TTN: variants seen among roughly 807,000 people sequenced by gnomAD.
TTN encodes titin.
In TTN, 1,525 loss-of-function variants were observed where a neutral mutation model predicts 3,223.0. The ratio of observed to expected loss-of-function variants is 0.47; its 90% CI spans 0.45 to 0.49. TTN has a LOEUF of 0.49. Among genes scored for constraint, TTN ranks in the 20% least tolerant of loss-of-function variants. The pLI, the probability that TTN is intolerant of heterozygous loss-of-function variation, is 0.00. For missense variants in TTN, 40,786 were observed against 43,424.0 expected, an observed-to-expected ratio of 0.94 and a Z score of 5.40; for synonymous variants, 14,094 against 15,161.0, an observed-to-expected ratio of 0.93 and a Z score of 5.17.
In TTN at chr2:178,591,306, T is replaced by C. The variant is rs1187229401; in HGVS notation, c.60419A>G (p.Asn20140Ser). 3 of 1,613,178 alleles carry C rather than the reference T, an allele frequency of 1.9e-6. No homozygotes were observed. In the African/African-American group the frequency reaches 4.0e-5, roughly 22 times the overall value. Residue 20140 changes from asparagine to serine, a missense_variant, in exon 304 of 363, where the codon AAC becomes AGC. Asn to Ser is a conservative substitution (Grantham distance 46). Transcript: ENST00000589042. ...DNFSSVLTIKNCLRRDTGEYQ... is the reference protein window; with the variant it reads ...DNFSSVLTIKSCLRRDTGEYQ... ...TTCCCCAGTGTCTCTCCTTAAGCAG[T>C]TCTTAATGGTAAGTACTGATGAGAA...
chr2:178,538,734 C>T lies in TTN; in HGVS notation c.99095G>A (p.Gly33032Glu), dbSNP rs1247520055. The T allele has an allele frequency of 6.2e-7, 1 of 1,613,614 alleles. No homozygotes were observed. The highest frequency in any genetic ancestry group is 1.3e-5 in the African/African-American group (1 of 74,886). The change falls in exon 354 of 363, where the codon GGA (glycine) becomes GAA (glutamate). Residue 33032 changes from glycine to glutamate, a missense_variant. Physicochemically the swap from Gly to Glu is moderately conservative, Grantham distance 98. Coordinates refer to ENST00000589042, the MANE Select transcript of TTN (RefSeq NM_001267550.2). Reference protein sequence around the residue: ...PECDGGKEILGYWVEYRQSGD... With the variant: ...PECDGGKEILEYWVEYRQSGD... Reference sequence around the variant, plus strand: ...AGACTGTCTATATTCAACCCAGTATCCAAGAATTTCTTTACCACCATCACA... The same window carrying T: ...AGACTGTCTATATTCAACCCAGTATTCAAGAATTTCTTTACCACCATCACA...
At position 178,718,893 on chromosome 2, in the gene TTN, C is replaced by T; in HGVS notation, c.24307G>A (p.Gly8103Ser). Reference protein sequence around the residue: ...MSLTFTSVIRGTPPFKVKWFK... With the variant: ...MSLTFTSVIRSTPPFKVKWFK... The stretch of plus-strand genomic sequence containing the variant: ...CACTTGACCTTGAAAGGAGGGGTGC[C>T]TCTGATGACACTGGTGAATGTGAGG... Residue 8103 changes from glycine to serine, a missense_variant, in exon 84 of 363, where the codon GGC (glycine) becomes AGC (serine). Physicochemically the swap from Gly to Ser is moderately conservative, Grantham distance 56. Transcript: ENST00000589042. 6.2e-7 allele frequency: 1 copy of T among 1,613,498 alleles called. No individual in the cohort carries two copies. Among genetic ancestry groups the T allele is most frequent in the African/African-American group, 1.3e-5 (1 of 75,006 alleles).
In TTN at chr2:178,528,826, C is replaced by T. The variant is rs1553480410; in HGVS notation, c.106925G>A (p.Gly35642Asp). 6.2e-7 allele frequency: 1 copy of T among 1,613,950 alleles called. No homozygotes were observed. The highest frequency in any genetic ancestry group is 8.5e-7 in the Non-Finnish European group (1 of 1,179,870). Reference sequence around the variant, plus strand: ...CTCCTCAGAGTTGGTAAGCTCTACGCCATTCAGTACCCATTTCACATCAGT... The same window carrying T: ...CTCCTCAGAGTTGGTAAGCTCTACGTCATTCAGTACCCATTTCACATCAGT... ...GATDVKWVLNGVELTNSEEYR... is the reference protein window; with the variant it reads ...GATDVKWVLNDVELTNSEEYR... Residue 35642 changes from glycine (G) to aspartate (D), a missense_variant, in exon 360 of 363, where the codon GGC becomes GAC. By Grantham distance (94) the Gly-to-Asp change is moderately conservative. Coordinates refer to ENST00000589042, the MANE Select transcript of TTN (RefSeq NM_001267550.2).
At chr2:178,596,683 GCTA>G (rs943922773) in intron 294 of TTN, among the ~76,000 whole-genome samples, 4 of 152,036 alleles carry the variant, frequency 2.6e-5, no homozygotes, top group African/African-American at 4.8e-5. Flanking sequence ...AGTTTGTGGG[GCTA>G]CTGCTTAATG....
chr2:178,723,901 T>C lies in TTN; in HGVS notation c.21358A>G (p.Asn7120Asp), dbSNP rs764627613. 2.0e-5 allele frequency: 32 copies of C among 1,613,186 alleles called. No homozygotes were observed. The highest frequency in any genetic ancestry group is 2.5e-5 in the Non-Finnish European group (30 of 1,179,428). ...CGACATTCATCAGACCCAGCGACAT[T>C]AGCAGCCACGCATGTGTAATTGCCC... The part of the protein sequence containing the change: ...DMGNYTCVAA[N>D]VAGSDECRAV... The change falls in exon 73 of 363, where the codon AAT becomes GAT. Residue 7120 changes from asparagine (N) to aspartate (D), a missense_variant. Physicochemically the swap from Asn to Asp is conservative, Grantham distance 23. Coordinates refer to ENST00000589042, the MANE Select transcript of TTN (RefSeq NM_001267550.2).
At chr2:178,639,615 C>G (rs1342734317) in intron 223 of TTN, 84 bp downstream of exon 223, 2 of 1,391,062 alleles carry the variant, frequency 1.4e-6, no homozygotes, top group African/African-American at 2.8e-5. Context: ...GCAGCATAAA[C>G]AGGGCTTGAA....
At position 178,622,479 on chromosome 2, in the gene TTN, G is replaced by A. The variant is rs185654932; in HGVS notation, c.44913+191C>T. ...TGATTGTGAGTCCAGTGTTTTTCAA[G>A]TAATAGTAAATTAATAATACTAAAA... is the stretch of plus-strand genomic sequence containing the variant. On this transcript the variant is annotated intron_variant, in intron 243 of 362. Transcript: ENST00000589042. Among the ~76,000 whole-genome samples the A allele has an allele frequency of 3.9e-5, 6 of 151,946 alleles. No individual in the cohort carries two copies. In the East Asian group the frequency reaches 1.2e-3, roughly 30 times the overall value.
intron 154 of TTN, 38 bp from the exon 155 acceptor site, chr2:178,672,305 C>G: frequency 6.2e-7 from 1 of 1,605,120 alleles, no homozygotes; most frequent in Non-Finnish European, 8.5e-7. Context: ...TTTTTTTAAA[C>G]ACTGAAGAAA....
In TTN at chr2:178,715,794, A is replaced by G. The variant is rs2077391861; in HGVS notation, c.25640-20T>C. On this transcript the variant is annotated intron_variant, in intron 88 of 362. Coordinates refer to ENST00000589042, the MANE Select transcript of TTN (RefSeq NM_001267550.2). ...GTGGTTCTATGGAACCAAGAGGAAA[A>G]ACACAGGGTAAGGGATGGAACAGAT... 1 of 1,560,968 alleles carries G rather than the reference A, an allele frequency of 6.4e-7. No individual in the cohort carries two copies. Among genetic ancestry groups the G allele is most frequent in the Non-Finnish European group, 8.7e-7 (1 of 1,151,128 alleles).
At chr2:178,760,342 G>A (rs545563212) in intron 43 of TTN, among the ~76,000 whole-genome samples, 106 of 152,214 alleles carry the variant, frequency 7.0e-4, no homozygotes, top group African/African-American at 2.4e-3. Flanking sequence ...ACAGCCTGAC[G>A]AACGTGGTGA....
Position 178,619,650 on chromosome 2 carries a change from T to C in TTN, c.46667A>G (p.Lys15556Arg). The C allele has an allele frequency of 6.2e-7, 1 of 1,612,040 alleles. No individual in the cohort carries two copies. The highest frequency in any genetic ancestry group is 8.5e-7 in the Non-Finnish European group (1 of 1,178,764). ...CAGTTCAAGCTTAGCTCTGGCTTCT[T>C]TGTCTTTGGCAATAAATCTGTATTC... is the stretch of plus-strand genomic sequence containing the variant. ...QGEYRFIAKD[K>R]EARAKLELAA... Residue 15556 changes from lysine (K) to arginine (R), a missense_variant, in exon 250 of 363, where the codon AAA becomes AGA. Physicochemically the swap from Lys to Arg is conservative, Grantham distance 26 (BLOSUM62 2). Coordinates refer to ENST00000589042, the MANE Select transcript of TTN (RefSeq NM_001267550.2).
intron 330 of TTN, 139 bp from the exon 331 acceptor site, chr2:178,555,291 A>G (rs1700943729): frequency 1.2e-6 from 1 of 844,590 alleles, no homozygotes; most frequent in African/African-American, 1.7e-5. Flanking sequence ...TGCAATTATT[A>G]TTTAAAAATT....
intron 92 of TTN, 71 bp downstream of exon 92, chr2:178,713,826 C>A: frequency 1.3e-6 from 2 of 1,545,332 alleles, no homozygotes; most frequent in East Asian, 4.6e-5. Context: ...TGTAACAACC[C>A]ATATACATTT....
Position 178,539,740 on chromosome 2 carries a change from C to G in TTN, c.98325G>C (p.Leu32775=). The change falls in exon 352 of 363, where the codon CTG becomes CTC. Residue 32775 remains leucine, a synonymous_variant. Coordinates refer to ENST00000589042, the MANE Select transcript of TTN (RefSeq NM_001267550.2). ...ADRGDSGTYD[L]VLENKCGKKA... ...TCTTGCCACATTTATTTTCCAGAAC[C>G]AGGTCATAAGTGCCAGAATCACCCC... The G allele has an allele frequency of 1.9e-6, 3 of 1,613,822 alleles. No individual in the cohort carries two copies. The highest frequency in any genetic ancestry group is 1.7e-6 in the Non-Finnish European group (2 of 1,179,778).
rs761751961 is a variant in TTN, at chr2:178,718,770, C to T, written c.24430G>A (p.Glu8144Lys). The T allele has an allele frequency of 2.5e-6, 4 of 1,613,676 alleles. No homozygotes were observed. The South Asian group carries it at 3.3e-5, about 13-fold the overall frequency. The change falls in exon 84 of 363, where the codon GAA becomes AAA. Residue 8144 changes from glutamate to lysine, a missense_variant. Physicochemically the swap from Glu to Lys is moderately conservative, Grantham distance 56. Coordinates refer to ENST00000589042, the MANE Select transcript of TTN (RefSeq NM_001267550.2). ...ACGAGGCAAGAATAGTCTCCACTTT[C>T]TAATGGCTGCACCTCAAACAACTCC... The part of the protein sequence containing the change: ...ELELFEVQPL[E>K]SGDYSCLVTN...
Position 178,723,191 on chromosome 2 carries a change from G to C in TTN, c.21816C>G (p.Thr7272=). The change falls in exon 75 of 363, where the codon ACC becomes ACG. Residue 7272 remains threonine, a synonymous_variant. Coordinates refer to ENST00000589042, the MANE Select transcript of TTN (RefSeq NM_001267550.2). ...TWKKDGFNIT[T]SEKCNIVTTE... is the part of the protein sequence containing the mutation. ...TTGTGACTATGTTACATTTTTCAGAGGTAGTTATGTTAAAACCATCCTTTT... is the reference window on the plus strand; with the variant it reads ...TTGTGACTATGTTACATTTTTCAGACGTAGTTATGTTAAAACCATCCTTTT... 6.2e-7 allele frequency: 1 copy of C among 1,613,446 alleles called. No individual in the cohort carries two copies. Among genetic ancestry groups the C allele is most frequent in the Non-Finnish European group, 8.5e-7 (1 of 1,179,630 alleles).
chr2:178,563,598 C>T lies in TTN; in HGVS notation c.82534G>A (p.Glu27512Lys). The T allele has an allele frequency of 6.2e-7, 1 of 1,613,756 alleles. No individual in the cohort carries two copies. Among genetic ancestry groups the T allele is most frequent in the Non-Finnish European group, 8.5e-7 (1 of 1,179,758 alleles). The change falls in exon 326 of 363, where the codon GAA becomes AAA. Residue 27512 changes from glutamate (E) to lysine (K), a missense_variant. By Grantham distance (56) the Glu-to-Lys change is moderately conservative. Transcript: ENST00000589042. The surrounding 1 kb of genome is among the most constrained non-coding windows in gnomAD (Gnocchi z 4.5). Reference protein sequence around the residue: ...EGYILEKRDKEGVRWTKCNKK... With the variant: ...EGYILEKRDKKGVRWTKCNKK... ...TTGCACTTGGTCCATCTAACGCCTT[C>T]CTTATCTCGTTTTTCAAGAATGTAG...
intron 47 of TTN, chr2:178,744,351 T>C (rs1476370745): frequency 7.1e-6 from 7 of 981,610 alleles, no homozygotes; most frequent in Non-Finnish European, 8.5e-6. Context: ...CACAGAATTG[T>C]ATTGTTGAAT....
At position 178,632,775 on chromosome 2, in the gene TTN, T is replaced by C; in HGVS notation, c.43231A>G (p.Ile14411Val). ...LKVKELPLIF[I>V]TPLSDVKVFE... Reference sequence around the variant, plus strand: ...ACTTTAACATCACTGAGAGGTGTGATGAAGATAAGAGGCAATTCTGAAAGA... The same window carrying C: ...ACTTTAACATCACTGAGAGGTGTGACGAAGATAAGAGGCAATTCTGAAAGA... Residue 14411 changes from isoleucine (I) to valine (V), a missense_variant, in exon 235 of 363, where the codon ATC (isoleucine) becomes GTC (valine). Transcript: ENST00000589042. The C allele has an allele frequency of 5.0e-6, 8 of 1,613,022 alleles. No individual in the cohort carries two copies. Among genetic ancestry groups the C allele is most frequent in the Non-Finnish European group, 6.8e-6 (8 of 1,179,502 alleles).
Sources: gnomAD v4.1 joint callset for allele counts (sites outside exome capture counted in the v4.1 genomes callset) on GRCh38, gnomAD v4.1.1 for gene constraint, Gnocchi (gnomAD v3.1) non-coding constraint, MANE v1.5 for transcripts, NCBI Gene and HGNC (gene_info 2026-07-23, HGNC 2026-07-21) for gene names.